Variants in DNAAF2 observed in about 807,000 individuals in gnomAD.
The protein encoded by DNAAF2 is protein kintoun.
DNAAF2 carries 58 observed loss-of-function variants against 48.8 expected under a neutral mutation model. That is an observed-to-expected ratio of 1.19 (90% CI 0.96 to 1.48). The LOEUF (loss-of-function observed/expected upper bound fraction) is 1.48, where lower values mean the gene tolerates loss of function less well. DNAAF2 is among the 40% of genes most tolerant of loss of function. The pLI, the probability that DNAAF2 is intolerant of heterozygous loss-of-function variation, is 0.00. For synonymous variants in DNAAF2, 567 were observed against 481.2 expected, an observed-to-expected ratio of 1.18 and a Z score of -2.33; for missense variants, 1,241 against 1,116.1, an observed-to-expected ratio of 1.11 and a Z score of -1.59.
chr14:49,635,009 C>T lies in DNAAF2; in HGVS notation c.141G>A (p.Glu47=). Residue 47 remains glutamate, a synonymous_variant, in exon 1 of 3, where the codon GAG becomes GAA. Transcript: ENST00000298292. ...TCTCCGCCTCGTAGCGCCGCCGGTT[C>T]TCCGGGTCGGTGAGCTCCTCGGCGT... ...SQYAEELTDP[E]NRRRYEAEIT... The T allele has an allele frequency of 6.4e-7, 1 of 1,569,066 alleles. No homozygotes were observed. The highest frequency in any genetic ancestry group is 1.4e-5 in the African/African-American group (1 of 73,896).
intron 1 of DNAAF2, among the ~76,000 whole-genome samples, chr14:49,631,604 C>T (rs1376148798): frequency 6.6e-6 from 1 of 152,152 alleles, no homozygotes; most frequent in Admixed American, 6.6e-5. Flanking sequence ...GTCTGGGCGA[C>T]GGTGCAAGAC....
chr14:49,628,381 AAAAG>A (rs1206843704), intron 1 of DNAAF2, among the ~76,000 whole-genome samples: 2 of 152,196 alleles, frequency 1.3e-5, no homozygotes, highest in Non-Finnish European at 2.9e-5. Flanking sequence ...AAAAGAACCT[AAAAG>A]AAAGAGGTCT....
At chr14:49,629,579 T>A (rs1883098516) in intron 1 of DNAAF2, 1 of 151,720 alleles carries the variant, frequency 6.6e-6, no homozygotes, top group Non-Finnish European at 1.5e-5. Context: ...TGAAACCCTG[T>A]CTCTACTAAA....
rs1406426981 is a variant in DNAAF2, at chr14:49,628,095, G to C, written c.1924C>G (p.Pro642Ala). 1 of 1,590,960 alleles carries C rather than the reference G, an allele frequency of 6.3e-7. No individual in the cohort carries two copies. The highest frequency in any genetic ancestry group is 2.2e-5 in the East Asian group (1 of 44,486). Reference sequence around the variant, plus strand: ...GTCAAGGACATAGACTGTTTGAATGGAGAGCTCAGGACCTCTTCAAGAAAC... The same window carrying C: ...GTCAAGGACATAGACTGTTTGAATGCAGAGCTCAGGACCTCTTCAAGAAAC... ...NEFLEEVLSSPFKQSMSLTPP... is the reference protein window; with the variant it reads ...NEFLEEVLSSAFKQSMSLTPP... The change falls in exon 2 of 3, where the codon CCA becomes GCA. Residue 642 changes from proline (P) to alanine (A), a missense_variant. Physicochemically the swap from Pro to Ala is conservative, Grantham distance 27. Coordinates refer to ENST00000298292, the MANE Select transcript of DNAAF2 (RefSeq NM_018139.3).
At position 49,634,322 on chromosome 14, in the gene DNAAF2, C is replaced by T. The variant is rs779666662; in HGVS notation, c.828G>A (p.Pro276=). Residue 276 remains proline, a synonymous_variant, in exon 1 of 3, where the codon CCG becomes CCA. Coordinates refer to ENST00000298292, the MANE Select transcript of DNAAF2 (RefSeq NM_018139.3). ...QDYRCSRDSA[P]SPVPHELVIT... is the part of the protein sequence containing the mutation. ...TCACCAGCTCATGGGGCACGGGGCT[C>T]GGGGCTGAGTCCCTGGAGCAGCGGT... 1.2e-6 allele frequency: 2 copies of T among 1,611,740 alleles called. No individual in the cohort carries two copies. The highest frequency in any genetic ancestry group is 2.2e-5 in the East Asian group (1 of 44,852).
intron 2 of DNAAF2, among the ~76,000 whole-genome samples, chr14:49,626,513 T>A (rs1183323003): frequency 6.6e-6 from 1 of 152,124 alleles, no homozygotes; most frequent in East Asian, 1.9e-4. Context: ...AGGCAGCATT[T>A]GAAGGATGAC....
chr14:49,632,933 T>G (rs8017484), intron 1 of DNAAF2, among the ~76,000 whole-genome samples: 3 of 151,848 alleles, frequency 2.0e-5, no homozygotes, highest in African/African-American at 7.3e-5. Flanking sequence ...TTTTGTTTTT[T>G]GTTTTTGAGA....
chr14:49,633,378 G>C lies in DNAAF2; in HGVS notation c.1772C>G (p.Ser591Ter), dbSNP rs746751400. The C allele has an allele frequency of 1.2e-6, 2 of 1,614,062 alleles. No individual in the cohort carries two copies. The highest frequency in any genetic ancestry group is 1.7e-6 in the Non-Finnish European group (2 of 1,179,904). ...TGCCAGTTCTATCACTGCATTGTTT[G>C]AAGAAATGCTAATCACAGGTTCTGT... ...STTEPVISIS[S>*]NNAVIELAKS... is the part of the protein sequence containing the mutation. Residue 591 changes from serine (S) to a stop codon, truncating the protein, a stop_gained, in exon 1 of 3, where the codon TCA becomes TGA. Transcript: ENST00000298292. LOFTEE classifies it high-confidence loss of function.
intron 2 of DNAAF2, among the ~76,000 whole-genome samples, chr14:49,626,799 C>CTTT (rs34085502): frequency 0.014 from 913 of 63,304 alleles, 17 homozygotes; most frequent in Non-Finnish European, 0.018. Flanking sequence ...TGCTGCCAGT[C>CTTT]TTTTTTTTTT....
In DNAAF2 at chr14:49,633,805, C is replaced by T. The variant is rs768349992; in HGVS notation, c.1345G>A (p.Gly449Ser). ...DLSRHAGSPP[G>S]SVEEPSPGGE... ...CCAGGAGATGGCTCCTCCACGCTGCCCGGCGGTGACCCCGCGTGCCTGCTC... is the reference window on the plus strand; with the variant it reads ...CCAGGAGATGGCTCCTCCACGCTGCTCGGCGGTGACCCCGCGTGCCTGCTC... Residue 449 changes from glycine to serine, a missense_variant, in exon 1 of 3, where the codon GGC becomes AGC. Coordinates refer to ENST00000298292, the MANE Select transcript of DNAAF2 (RefSeq NM_018139.3). 2 of 1,588,658 alleles carry T rather than the reference C, an allele frequency of 1.3e-6. No homozygotes were observed. The highest frequency in any genetic ancestry group is 8.5e-7 in the Non-Finnish European group (1 of 1,174,646).
Position 49,633,669 on chromosome 14 carries a change from G to T in DNAAF2, c.1481C>A (p.Thr494Lys). 2 of 1,611,004 alleles carry T rather than the reference G, an allele frequency of 1.2e-6. No individual in the cohort carries two copies. Reference protein sequence around the residue: ...ESARGDSSVETREESEGTGGQ... With the variant: ...ESARGDSSVEKREESEGTGGQ... ...GCCCGTGCCCTCCGACTCCTCGCGT[G>T]TTTCCACACTGCTATCTCCGCGCGC... The change falls in exon 1 of 3, where the codon ACA (threonine) becomes AAA (lysine). Residue 494 changes from threonine to lysine, a missense_variant. Thr to Lys is a moderately conservative substitution (Grantham distance 78). Coordinates refer to ENST00000298292, the MANE Select transcript of DNAAF2 (RefSeq NM_018139.3).
chr14:49,629,881 G>A (rs774532718), intron 1 of DNAAF2: 5 of 152,076 alleles, frequency 3.3e-5, no homozygotes, highest in African/African-American at 9.7e-5. Context: ...AAAGAATGAA[G>A]TAGAGAGCAT....
intron 1 of DNAAF2, among the ~76,000 whole-genome samples, chr14:49,633,015 G>T (rs748537463): frequency 6.6e-6 from 1 of 151,750 alleles, no homozygotes; most frequent in Non-Finnish European, 1.5e-5. Flanking sequence ...TTCGCCTCCC[G>T]GGTTCAAGCG....
At position 49,634,281 on chromosome 14, in the gene DNAAF2, G is replaced by C; in HGVS notation, c.869C>G (p.Pro290Arg). 1 of 1,612,192 alleles carries C rather than the reference G, an allele frequency of 6.2e-7. No homozygotes were observed. The highest frequency in any genetic ancestry group is 8.5e-7 in the Non-Finnish European group (1 of 1,179,790). Residue 290 changes from proline (P) to arginine (R), a missense_variant, in exon 1 of 3, where the codon CCG (proline) becomes CGG (arginine). By Grantham distance (103) the Pro-to-Arg change is moderately radical (BLOSUM62 -2). Coordinates refer to ENST00000298292, the MANE Select transcript of DNAAF2 (RefSeq NM_018139.3). ...CGCCTGCTCGGCCGAGCGCAACAGC[G>C]GCAGTTCGATGGTGATCACCAGCTC... ...PHELVITIEL[P>R]LLRSAEQAAL...
rs931555570 is a variant in DNAAF2 at position 49,634,807 on chromosome 14, G to C, written c.343C>G (p.Pro115Ala). ...PGSGGDRGAA[P>A]GSHWSLPYSL... ...TAGGGCAGGGACCAGTGGCTGCCAG[G>C]AGCTGCGCCCCGGTCGCCACCGGAG... Residue 115 changes from proline (P) to alanine (A), a missense_variant, in exon 1 of 3, where the codon CCT (proline) becomes GCT (alanine). Pro to Ala is a conservative substitution (Grantham distance 27). Coordinates refer to ENST00000298292, the MANE Select transcript of DNAAF2 (RefSeq NM_018139.3). 4.5e-6 allele frequency: 7 copies of C among 1,555,162 alleles called. No homozygotes were observed. In the Admixed American group the frequency reaches 5.8e-5, roughly 13 times the overall value.
chr14:49,625,893 GCTAT>G lies in DNAAF2; in HGVS notation c.2159_2162del (p.Asp720AlafsTer4), dbSNP rs1882992292. 1 of 1,613,300 alleles carries G rather than the reference GCTAT, an allele frequency of 6.2e-7. No individual in the cohort carries two copies. Among genetic ancestry groups the G allele is most frequent in the African/African-American group, 1.3e-5 (1 of 74,900 alleles). On this transcript the variant is annotated frameshift_variant, in exon 3 of 3. Coordinates refer to ENST00000298292, the MANE Select transcript of DNAAF2 (RefSeq NM_018139.3). LOFTEE classifies it low-confidence loss of function (END_TRUNC). ...GTTGAAAGCATGTAACTAAACCAAA[GCTAT>G]CTATTTGTAGTGCTTTAACTGCTAT...
intron 2 of DNAAF2, among the ~76,000 whole-genome samples, 180 bp downstream of exon 2, chr14:49,627,832 G>A (rs891126021): frequency 6.6e-6 from 1 of 150,764 alleles, no homozygotes; most frequent in African/African-American, 2.4e-5. Flanking sequence ...TTCAGCCTGG[G>A]TGACAGAGGG....
chr14:49,632,573 G>C (rs991954902), intron 1 of DNAAF2, among the ~76,000 whole-genome samples: 3 of 151,768 alleles, frequency 2.0e-5, no homozygotes, highest in Admixed American at 1.3e-4. Flanking sequence ...AGCCTCCCAA[G>C]TAGCTGGGAT....
Position 49,630,707 on chromosome 14 carries a change from T to G in DNAAF2, c.1864-2552A>C, listed in dbSNP as rs983900206. 1.9e-3 allele frequency among the ~76,000 whole-genome samples: 115 copies of G among 59,976 alleles called. 3 individuals carry two copies. The highest frequency in any genetic ancestry group is 9.1e-4 in the Non-Finnish European group (24 of 26,372). 39.3% of individuals were successfully genotyped at this position (59,976 alleles called of 152,430 possible). ...CACACACACACACACACACATAAACTCTCTACACACACACACACACACACA... is the reference window on the plus strand; with the variant it reads ...CACACACACACACACACACATAAACGCTCTACACACACACACACACACACA... On this transcript the variant is annotated intron_variant, in intron 1 of 2. Coordinates refer to ENST00000298292, the MANE Select transcript of DNAAF2 (RefSeq NM_018139.3).
Sources: gnomAD v4.1 joint callset for allele counts (sites outside exome capture counted in the v4.1 genomes callset) on GRCh38, gnomAD v4.1.1 for gene constraint, MANE v1.5 for transcripts, NCBI Gene and HGNC (gene_info 2026-07-23, HGNC 2026-07-21) for gene names.